Variants in SEZ6L observed in about 807,000 individuals in gnomAD.
SEZ6L encodes the protein seizure 6-like protein.
Under a neutral mutation model 106.2 loss-of-function variants are expected in SEZ6L, and 37 were observed. The ratio of observed to expected loss-of-function variants is 0.35; its 90% CI spans 0.27 to 0.46. The LOEUF is 0.46. Ranked by LOEUF, SEZ6L falls within the 20% of genes least tolerant of loss-of-function variation. The pLI, the probability that SEZ6L is intolerant of heterozygous loss-of-function variation, is 1.00. For missense variants in SEZ6L, 1,172 were observed against 1,332.8 expected (o/e 0.88, Z 1.88); for synonymous variants, 541 against 570.4 (o/e 0.95, Z 0.73).
At chr22:26,249,990 G>A (rs1030564720) in intron 1 of SEZ6L, among the ~76,000 whole-genome samples, 2 of 152,036 alleles carry the variant, frequency 1.3e-5, no homozygotes, top group South Asian at 2.1e-4. Flanking sequence ...TGTTTATTCA[G>A]CACATTGTCA....
chr22:26,339,134 T>C (rs2082744031), intron 9 of SEZ6L, among the ~76,000 whole-genome samples: 1 of 152,142 alleles, frequency 6.6e-6, no homozygotes, highest in Non-Finnish European at 1.5e-5. Context: ...TTCTCTGTCC[T>C]TACTTTGGTT....
chr22:26,308,331 G>A (rs192438074), intron 6 of SEZ6L, among the ~76,000 whole-genome samples: 12 of 150,976 alleles, frequency 7.9e-5, no homozygotes, highest in Non-Finnish European at 7.4e-5. Context: ...TAGCAAATTT[G>A]TTGGGGGGCT....
At chr22:26,261,410 A>T (rs2080001234) in intron 1 of SEZ6L, among the ~76,000 whole-genome samples, 1 of 152,186 alleles carries the variant, frequency 6.6e-6, no homozygotes, top group African/African-American at 2.4e-5. Flanking sequence ...ATTTTTGTAT[A>T]AGGTGACTGA....
At chr22:26,220,629 C>T (rs1377461648) in intron 1 of SEZ6L, among the ~76,000 whole-genome samples, 1 of 152,182 alleles carries the variant, frequency 6.6e-6, no homozygotes, top group Non-Finnish European at 1.5e-5. Flanking sequence ...GGCTGGAACT[C>T]ATCCCTATGA....
intron 1 of SEZ6L, among the ~76,000 whole-genome samples, chr22:26,282,828 GGGTAAATA>G (rs1164321853): frequency 1.3e-5 from 2 of 152,306 alleles, no homozygotes; most frequent in East Asian, 1.9e-4. Context: ...GTTGGTGGCA[GGGTAAATA>G]GGTTCAGATT....
At chr22:26,175,583 C>G (rs1331149416) in intron 1 of SEZ6L, among the ~76,000 whole-genome samples, 1 of 151,952 alleles carries the variant, frequency 6.6e-6, no homozygotes, top group Non-Finnish European at 1.5e-5. Context: ...CAGTAGTTCC[C>G]AAAAAAGATG....
At chr22:26,236,522 C>T (rs972593912) in intron 1 of SEZ6L, among the ~76,000 whole-genome samples, 1 of 152,112 alleles carries the variant, frequency 6.6e-6, no homozygotes, top group Non-Finnish European at 1.5e-5. Context: ...TCAAACTTTC[C>T]GAGCCTGTGG....
chr22:26,316,365 G>A (rs1182165718), intron 9 of SEZ6L, among the ~76,000 whole-genome samples: 4 of 152,164 alleles, frequency 2.6e-5, no homozygotes, highest in Non-Finnish European at 5.9e-5. Flanking sequence ...AGAAAAACAG[G>A]GCAGTCCTCA....
chr22:26,252,138 G>A (rs1231768090), intron 1 of SEZ6L, among the ~76,000 whole-genome samples: 1 of 152,136 alleles, frequency 6.6e-6, no homozygotes, highest in Non-Finnish European at 1.5e-5. Flanking sequence ...CCCAGTCAGA[G>A]TCTACATTTT....
chr22:26,222,143 C>G (rs891914081), intron 1 of SEZ6L, among the ~76,000 whole-genome samples: 5 of 152,130 alleles, frequency 3.3e-5, no homozygotes, highest in African/African-American at 1.2e-4. Context: ...CTTACTAAAT[C>G]AGAAACTCTC....
intron 1 of SEZ6L, among the ~76,000 whole-genome samples, chr22:26,262,473 T>G (rs9608477): frequency 0.21 from 32,055 of 152,126 alleles, 3,603 homozygotes; most frequent in African/African-American, 0.26. Context: ...TATTCTTGTA[T>G]TCAAGTATTT....
At position 26,313,841 on chromosome 22, in the gene SEZ6L, G is replaced by A. The variant is rs1405553145; in HGVS notation, c.1954G>A (p.Glu652Lys). ...PNWPEPYVEG[E>K]DCIWKIHVGE... The stretch of plus-strand genomic sequence containing the variant: ...CTGGCCCGAGCCCTACGTGGAAGGT[G>A]AAGATTGTATCTGGAAGATCCACGT... Residue 652 changes from glutamate (E) to lysine (K), a missense_variant, in exon 9 of 17, where the codon GAA (glutamate) becomes AAA (lysine). Glu to Lys is a moderately conservative substitution (Grantham distance 56, BLOSUM62 1). Around this residue, in one of 4 missense-constraint regions of SEZ6L, gnomAD observed 534 missense variants for 691.0 expected, o/e 0.77. Transcript: ENST00000248933. The A allele has an allele frequency of 1.2e-6, 2 of 1,613,200 alleles. No homozygotes were observed. The highest frequency in any genetic ancestry group is 1.3e-5 in the African/African-American group (1 of 74,932).
At chr22:26,309,859 T>TTGAGCC (rs2081759624) in intron 6 of SEZ6L, among the ~76,000 whole-genome samples, 2 of 152,094 alleles carry the variant, frequency 1.3e-5, no homozygotes, top group Non-Finnish European at 2.9e-5. Context: ...GATTATAGAC[T>TTGAGCC]TGAGCCACCA....
At position 26,292,463 on chromosome 22, in the gene SEZ6L, C is replaced by T. The variant is rs1430162585; in HGVS notation, c.152C>T (p.Ala51Val). ...GGTCCTTACCTCCTGCCCTCAGGAG[C>T]CCCGGAGAGAGGCAGTCCTGGCAAA... ...PLGPYLLPSG[A>V]PERGSPGKEH... The change falls in exon 2 of 17, where the codon GCC becomes GTC. Residue 51 changes from alanine to valine, a missense_variant. By Grantham distance (64) the Ala-to-Val change is moderately conservative (BLOSUM62 0). This residue lies in a region of SEZ6L where 494 missense variants were observed against 445.8 expected (regional missense o/e 1.11). Coordinates refer to ENST00000248933, the MANE Select transcript of SEZ6L (RefSeq NM_021115.5). 2.5e-6 allele frequency: 4 copies of T among 1,613,858 alleles called. No homozygotes were observed. The South Asian group carries it at 3.3e-5, about 13-fold the overall frequency.
At position 26,375,608 on chromosome 22, in the gene SEZ6L, G is replaced by C. The variant is rs200000489; in HGVS notation, c.2861G>C (p.Gly954Ala). The change falls in exon 15 of 17, where the codon GGG (glycine) becomes GCG (alanine). Residue 954 changes from glycine (G) to alanine (A), a missense_variant. Coordinates refer to ENST00000248933, the MANE Select transcript of SEZ6L (RefSeq NM_021115.5). The stretch of plus-strand genomic sequence containing the variant: ...GCGGCAGCAGAGACGTCGCTGGAAG[G>C]GGGGAACATGGCCCTGGCTATCTTC... ...AEAAAETSLE[G>A]GNMALAIFIP... 6.1e-5 allele frequency: 99 copies of C among 1,614,020 alleles called. No homozygotes were observed. The highest frequency in any genetic ancestry group is 8.0e-5 in the African/African-American group (6 of 74,910).
Position 26,350,124 on chromosome 22 carries a change from A to G in SEZ6L, c.2408-928A>G, listed in dbSNP as rs1026009992. 2.0e-5 allele frequency among the ~76,000 whole-genome samples: 3 copies of G among 151,536 alleles called. No homozygotes were observed. In the East Asian group the frequency reaches 5.8e-4, roughly 29 times the overall value. On this transcript the variant is annotated intron_variant, in intron 11 of 16. Transcript: ENST00000248933. Reference sequence around the variant, plus strand: ...ATCGCAAATAATAATGCAATATGCAACCTTATACATAGGTCTTTGGACCCT... The same window carrying G: ...ATCGCAAATAATAATGCAATATGCAGCCTTATACATAGGTCTTTGGACCCT...
rs755550111 is a variant in SEZ6L at position 26,310,661 on chromosome 22, C to T, written c.1515-9C>T. The T allele has an allele frequency of 3.1e-6, 5 of 1,614,028 alleles. No homozygotes were observed. The highest frequency in any genetic ancestry group is 2.5e-6 in the Non-Finnish European group (3 of 1,179,916). On this transcript the variant is annotated splice_polypyrimidine_tract_variant and intron_variant, in intron 6 of 16. Transcript: ENST00000248933. ...TGTCAGTGTCCCTCCTCTCTGCTCC[C>T]ACTGCCAGGATGACGGTTCACAGCG...
intron 1 of SEZ6L, among the ~76,000 whole-genome samples, chr22:26,290,636 C>A (rs1442997155): frequency 6.6e-6 from 1 of 152,186 alleles, no homozygotes; most frequent in Non-Finnish European, 1.5e-5. Context: ...ATCACTTGAT[C>A]CCAGGAGTTT....
intron 1 of SEZ6L, among the ~76,000 whole-genome samples, chr22:26,196,547 G>T (rs1244474290): frequency 6.6e-6 from 1 of 152,170 alleles, no homozygotes; most frequent in Non-Finnish European, 1.5e-5. Flanking sequence ...AGCAAAATTT[G>T]GAGGCAACTT....
Sources: allele counts gnomAD v4.1 joint callset (sites outside exome capture counted in the v4.1 genomes callset), GRCh38; gene constraint gnomAD v4.1.1; regional missense constraint gnomAD v4.1.1; transcripts MANE v1.5; gene names NCBI Gene and HGNC (gene_info 2026-07-23, HGNC 2026-07-21).